Variants in MSI2 observed in about 807,000 individuals in gnomAD.
MSI2 encodes the protein musashi RNA binding protein 2, also known as RNA-binding protein Musashi homolog 2.
Under a neutral mutation model 45.6 loss-of-function variants are expected in MSI2, and 17 were observed. The ratio of observed to expected loss-of-function variants is 0.37; its 90% CI spans 0.26 to 0.56. MSI2 has a LOEUF of 0.56. Ranked by LOEUF, MSI2 falls within the 20% of genes least tolerant of loss-of-function variation. The pLI, the probability that MSI2 is intolerant of heterozygous loss-of-function variation, is 0.77. For missense variants in MSI2, 293 were observed against 444.2 expected (o/e 0.66, Z 3.06); for synonymous variants, 156 against 158.2 (o/e 0.99, Z 0.11).
At chr17:57,656,812 G>C (rs965380582) in intron 11 of MSI2, among the ~76,000 whole-genome samples, 2 of 152,192 alleles carry the variant, frequency 1.3e-5, no homozygotes, top group Admixed American at 1.3e-4. Context: ...CCTGCAGCCT[G>C]TGCCCTTAGA....
chr17:57,666,031 G>A (rs189281423), intron 11 of MSI2, among the ~76,000 whole-genome samples: 149 of 152,184 alleles, frequency 9.8e-4, no homozygotes, highest in African/African-American at 3.4e-3. Flanking sequence ...CACTGCCAGG[G>A]AGCTCCCAAT....
chr17:57,647,903 A>G (rs1348783725), intron 10 of MSI2, among the ~76,000 whole-genome samples: 9 of 145,852 alleles, frequency 6.2e-5, no homozygotes, highest in Admixed American at 5.5e-4. Flanking sequence ...CAGCCTCCCA[A>G]AGTGCTAGGA....
intron 7 of MSI2, among the ~76,000 whole-genome samples, chr17:57,539,993 C>G (rs1456624323): frequency 6.6e-6 from 1 of 152,130 alleles, no homozygotes; most frequent in Admixed American, 6.5e-5. Flanking sequence ...GTTAATGATG[C>G]TTGTGAAGTG....
intron 5 of MSI2, among the ~76,000 whole-genome samples, chr17:57,306,666 C>A (rs1034951239): frequency 6.6e-5 from 10 of 152,240 alleles, no homozygotes; most frequent in Admixed American, 6.5e-5. Flanking sequence ...GATGTGTATA[C>A]ATGTCATCGC....
At chr17:57,436,249 A>C (rs1023423758) in intron 6 of MSI2, among the ~76,000 whole-genome samples, 1 of 152,212 alleles carries the variant, frequency 6.6e-6, no homozygotes, top group Non-Finnish European at 1.5e-5. Context: ...TAAGATGGGA[A>C]GAATAAGAAA....
intron 6 of MSI2, among the ~76,000 whole-genome samples, chr17:57,476,191 C>T (rs2085533754): frequency 6.6e-6 from 1 of 152,226 alleles, no homozygotes; most frequent in Non-Finnish European, 1.5e-5. Context: ...AGCTGATTTA[C>T]ATCAGCAGCT....
intron 7 of MSI2, among the ~76,000 whole-genome samples, chr17:57,590,697 T>C (rs980548179): frequency 2.6e-5 from 4 of 152,212 alleles, no homozygotes; most frequent in African/African-American, 9.6e-5. Flanking sequence ...TGCTGACTAC[T>C]GGAGCCCCTT....
At chr17:57,692,043 G>C in the MSI2 span, among the ~76,000 whole-genome samples, 1 of 152,166 alleles carries the variant, frequency 6.6e-6, no homozygotes, top group Non-Finnish European at 1.5e-5. Flanking sequence ...TGGATGCTGA[G>C]AGCATGTATG....
intron 5 of MSI2, among the ~76,000 whole-genome samples, chr17:57,292,128 T>C (rs937103376): frequency 4.8e-5 from 7 of 146,798 alleles, no homozygotes; most frequent in East Asian, 2.0e-4. Flanking sequence ...GTCCAGTGGA[T>C]TGGGGGCTAG....
intron 6 of MSI2, among the ~76,000 whole-genome samples, chr17:57,527,471 G>GT (rs201068244): frequency 1.3e-5 from 2 of 151,904 alleles, no homozygotes; most frequent in Admixed American, 6.6e-5. Context: ...CGTCGGCGGG[G>GT]GCTCTTGAAG....
At chr17:57,395,897 C>T (rs917692759) in intron 5 of MSI2, among the ~76,000 whole-genome samples, 4 of 152,164 alleles carry the variant, frequency 2.6e-5, no homozygotes, top group Admixed American at 6.5e-5. Context: ...AACTAGCATG[C>T]GAGTCATCTC....
rs528826261 is a variant in MSI2 at position 57,257,263 on chromosome 17, AT to A, written c.103+133del. Reference sequence around the variant, plus strand: ...CTCCCCACTTCTCCTGTGCAAGGTTATTTTTTTTAAATAGCAAATCCTTTCT... The same window carrying A: ...CTCCCCACTTCTCCTGTGCAAGGTTATTTTTTTAAATAGCAAATCCTTTCT... On this transcript the variant is annotated intron_variant, in intron 2 of 13. Coordinates refer to ENST00000284073, the MANE Select transcript of MSI2 (RefSeq NM_138962.4). 6.1e-4 allele frequency: 281 copies of A among 462,380 alleles called. 1 individual carries two copies. Among genetic ancestry groups the A allele is most frequent in the South Asian group, 4.5e-3 (194 of 42,670 alleles). 28.6% of individuals were successfully genotyped at this position (462,380 alleles called of 1,614,324 possible). A position where few individuals can be genotyped will look rare whatever the true frequency, so the allele number is the denominator to read the frequency against.
chr17:57,364,372 G>T (rs1917035370), intron 5 of MSI2, among the ~76,000 whole-genome samples: 1 of 152,214 alleles, frequency 6.6e-6, no homozygotes, highest in Non-Finnish European at 1.5e-5. Context: ...CTCCAACACA[G>T]CAGGTGGCCG....
intron 10 of MSI2, among the ~76,000 whole-genome samples, chr17:57,634,167 G>T (rs1004349268): frequency 1.2e-4 from 19 of 152,196 alleles, no homozygotes; most frequent in Non-Finnish European, 2.8e-4. Context: ...CACTTCACTA[G>T]AGAGAGGGAA....
chr17:57,425,285 GTTTATT>G (rs56047086), intron 6 of MSI2, among the ~76,000 whole-genome samples: 29,342 of 151,878 alleles, frequency 0.19, 2,947 homozygotes, highest in African/African-American at 0.26. Flanking sequence ...AATGAAGGAA[GTTTATT>G]TTTAACAGCA....
intron 8 of MSI2, among the ~76,000 whole-genome samples, chr17:57,598,815 A>G (rs1905533156): frequency 6.6e-6 from 1 of 152,206 alleles, no homozygotes; most frequent in Admixed American, 6.5e-5. Context: ...GGCATGTGCC[A>G]GCACACCCAG....
chr17:57,454,586 G>A (rs1276092338), intron 6 of MSI2, among the ~76,000 whole-genome samples: 5 of 151,740 alleles, frequency 3.3e-5, no homozygotes, highest in South Asian at 2.1e-4. Context: ...ACAGGCACCC[G>A]CCACCACGCC....
At chr17:57,325,956 T>C (rs1339268040) in intron 5 of MSI2, among the ~76,000 whole-genome samples, 1 of 152,186 alleles carries the variant, frequency 6.6e-6, no homozygotes, top group Non-Finnish European at 1.5e-5. Flanking sequence ...TCTTCACTGA[T>C]TGCTACCTCC....
rs2144606419 is a variant in MSI2 at position 57,627,403 on chromosome 17, A to G, written c.727+100A>G. On this transcript the variant is annotated intron_variant, in intron 10 of 13. Coordinates refer to ENST00000284073, the MANE Select transcript of MSI2 (RefSeq NM_138962.4). The surrounding 1 kb of genome is among the most constrained non-coding windows in gnomAD (Gnocchi z 4.6). ...TAAAGAGAATGCATTTCTTACATGC[A>G]TCCACTTGAAAATGACCTATACATG... 5.8e-6 allele frequency: 6 copies of G among 1,026,894 alleles called. No homozygotes were observed. The highest frequency in any genetic ancestry group is 1.7e-5 in the Admixed American group (1 of 57,250). The allele number at this position is 1,026,894 out of a possible 1,614,324, so 63.6% of individuals were successfully genotyped here.
Sources: allele counts gnomAD v4.1 joint callset (sites outside exome capture counted in the v4.1 genomes callset), GRCh38; gene constraint gnomAD v4.1.1; non-coding constraint Gnocchi (gnomAD v3.1); transcripts MANE v1.5; gene names NCBI Gene and HGNC (gene_info 2026-07-23, HGNC 2026-07-21).